The following DNAH5 variants were observed in gnomAD, a reference collection of about 807,000 sequenced individuals.
The protein encoded by DNAH5 is dynein axonemal heavy chain 5.
Under a neutral mutation model 518.2 loss-of-function variants are expected in DNAH5, and 372 were observed. The observed-to-expected ratio is 0.72, with a 90% confidence interval of 0.66 to 0.78. The LOEUF (loss-of-function observed/expected upper bound fraction) is 0.78, where lower values mean the gene tolerates loss of function less well. Ranked by LOEUF, DNAH5 falls within the 30% of genes least tolerant of loss-of-function variation. The probability of loss-of-function intolerance (pLI) is 0.00; values close to 1 mark genes in which losing one functional copy is unlikely to be tolerated. For missense variants in DNAH5, 5,523 were observed against 5,687.0 expected (o/e 0.97, Z 0.93); for synonymous variants, 2,039 against 2,025.9 (o/e 1.01, Z -0.17).
At position 13,871,850 on chromosome 5, in the gene DNAH5, G is replaced by T. The variant is rs1423235861; in HGVS notation, c.3397-85C>A. 21 of 1,192,626 alleles carry T rather than the reference G, an allele frequency of 1.8e-5. No individual in the cohort carries two copies. In the East Asian group the frequency reaches 4.4e-4, roughly 25 times the overall value. The allele number at this position is 1,192,626 out of a possible 1,614,324, so 73.9% of individuals were successfully genotyped here. A position where few individuals can be genotyped will look rare whatever the true frequency, so the allele number is the denominator to read the frequency against. ...AGTGAATATTTACCAACTGCTGGTGGTTCCTATGGATTTATTAAAATGTTT... is the reference window on the plus strand; with the variant it reads ...AGTGAATATTTACCAACTGCTGGTGTTTCCTATGGATTTATTAAAATGTTT... On this transcript the variant is annotated intron_variant, in intron 22 of 78. Coordinates refer to ENST00000265104, the MANE Select transcript of DNAH5 (RefSeq NM_001369.3).
chr5:13,804,500 A>G (rs1156630110), intron 47 of DNAH5, among the ~76,000 whole-genome samples: 1 of 152,238 alleles, frequency 6.6e-6, no homozygotes, highest in Non-Finnish European at 1.5e-5. Context: ...TTTAGCATGA[A>G]TGACTGAAAA....
At chr5:13,842,425 A>AGAAAG (rs760062438) in intron 32 of DNAH5, among the ~76,000 whole-genome samples, 13 of 38,148 alleles carry the variant, frequency 3.4e-4, no homozygotes, top group Non-Finnish European at 5.9e-4. Flanking sequence ...AAGAAAAGAA[A>AGAAAG]AGAAAGAAAG....
chr5:13,701,292 T>C lies in DNAH5; in HGVS notation c.13483A>G (p.Met4495Val), dbSNP rs775307173. 55 of 1,613,904 alleles carry C rather than the reference T, an allele frequency of 3.4e-5. No homozygotes were observed. Among genetic ancestry groups the C allele is most frequent in the Non-Finnish European group, 4.3e-5 (51 of 1,179,974 alleles). Reference sequence around the variant, plus strand: ...CAAATCAGAGCTCTTACCTGTCGCATTGCAGTTAAAAATCCCTGGGGGTTA... The same window carrying C: ...CAAATCAGAGCTCTTACCTGTCGCACTGCAGTTAAAAATCCCTGGGGGTTA... ...FFNPQGFLTA[M>V]RQEITRANKG... The change falls in exon 77 of 79, where the codon ATG (methionine) becomes GTG (valine). Residue 4495 changes from methionine (M) to valine (V), a missense_variant. Met to Val is a conservative substitution (Grantham distance 21). Around this residue, in one of 3 missense-constraint regions of DNAH5, gnomAD observed 387 missense variants for 430.0 expected, o/e 0.90. Transcript: ENST00000265104.
rs1393277452 is a variant in DNAH5, at chr5:13,944,277, A to G, written c.57+105T>C. On this transcript the variant is annotated intron_variant, in intron 1 of 78. Coordinates refer to ENST00000265104, the MANE Select transcript of DNAH5 (RefSeq NM_001369.3). ...TAAAAAATGTGTTTCTCGCAAATTC[A>G]TCAGTGTGTGACTTTGAACCTTTTT... 3.7e-6 allele frequency: 4 copies of G among 1,070,540 alleles called. No individual in the cohort carries two copies. In the East Asian group the frequency reaches 7.1e-5, roughly 19 times the overall value. The allele number at this position is 1,070,540 out of a possible 1,614,324, so 66.3% of individuals were successfully genotyped here. A position where few individuals can be genotyped will look rare whatever the true frequency, so the allele number is the denominator to read the frequency against.
chr5:13,933,789 C>CAAAAAAAAA (rs533169329), intron 1 of DNAH5, among the ~76,000 whole-genome samples: 1 of 82,394 alleles, frequency 1.2e-5, no homozygotes, highest in Non-Finnish European at 2.4e-5. Flanking sequence ...GACTCCACCT[C>CAAAAAAAAA]AAAAAAAAAA....
chr5:13,826,793 C>A (rs1762945208), intron 38 of DNAH5, among the ~76,000 whole-genome samples: 1 of 152,136 alleles, frequency 6.6e-6, no homozygotes, highest in African/African-American at 2.4e-5. Flanking sequence ...GTGGAAGCAA[C>A]TTTGGAACTG....
At chr5:13,787,541 T>C (rs1756252708) in intron 51 of DNAH5, among the ~76,000 whole-genome samples, 2 of 152,164 alleles carry the variant, frequency 1.3e-5, no homozygotes, top group Admixed American at 6.6e-5. Context: ...AATCAAGCTT[T>C]GAGAAATAGT....
intron 72 of DNAH5, among the ~76,000 whole-genome samples, chr5:13,718,442 A>C (rs1358692206): frequency 6.6e-6 from 1 of 152,198 alleles, no homozygotes; most frequent in East Asian, 1.9e-4. Flanking sequence ...TGATGGGGGC[A>C]TTTGGGCCTG....
intron 17 of DNAH5, 41 bp from the exon 18 acceptor site, chr5:13,886,170 T>TA: frequency 1.3e-6 from 2 of 1,539,946 alleles, no homozygotes; most frequent in Non-Finnish European, 1.8e-6. Context: ...CACAGTGGTA[T>TA]ATGGTTTATC....
At chr5:13,932,622 G>T (rs971982696) in intron 1 of DNAH5, among the ~76,000 whole-genome samples, 6 of 152,218 alleles carry the variant, frequency 3.9e-5, no homozygotes, top group African/African-American at 1.4e-4. Flanking sequence ...AATCCACGGA[G>T]AATCACTGAT....
At position 13,900,908 on chromosome 5, in the gene DNAH5, T is replaced by C. The variant is rs187256717; in HGVS notation, c.2052+344A>G. On this transcript the variant is annotated intron_variant, in intron 14 of 78. Coordinates refer to ENST00000265104, the MANE Select transcript of DNAH5 (RefSeq NM_001369.3). Reference sequence around the variant, plus strand: ...ACAAAAGAAAATTTGAAACTTTGTTTAACAGATGTGCTAGTGTTTACTGAC... The same window carrying C: ...ACAAAAGAAAATTTGAAACTTTGTTCAACAGATGTGCTAGTGTTTACTGAC... Among the ~76,000 whole-genome samples the C allele has an allele frequency of 1.1e-4, 16 of 152,348 alleles. No homozygotes were observed. The East Asian group carries it at 2.3e-3, about 22-fold the overall frequency.
At chr5:13,867,705 G>T in intron 25 of DNAH5, 69 bp downstream of exon 25, 1 of 1,224,740 alleles carries the variant, frequency 8.2e-7, no homozygotes, top group Non-Finnish European at 1.2e-6. Context: ...ATAATTTTTA[G>T]ACAACTACAT....
At chr5:13,804,041 C>G (rs992662197) in intron 47 of DNAH5, among the ~76,000 whole-genome samples, 1 of 145,664 alleles carries the variant, frequency 6.9e-6, no homozygotes, top group Non-Finnish European at 1.5e-5. Flanking sequence ...TTCTTTTCAC[C>G]TTCTTGTATT....
intron 31 of DNAH5, among the ~76,000 whole-genome samples, chr5:13,846,656 T>C (rs1766052266): frequency 6.6e-6 from 1 of 152,102 alleles, no homozygotes; most frequent in African/African-American, 2.4e-5. Context: ...AAGTAAGGAA[T>C]TTGGGAAAGA....
chr5:13,814,066 G>A (rs546817954), intron 43 of DNAH5, among the ~76,000 whole-genome samples: 4 of 152,000 alleles, frequency 2.6e-5, no homozygotes, highest in East Asian at 1.9e-4. Flanking sequence ...ATATATTCTA[G>A]GATATATTGC....
intron 1 of DNAH5, among the ~76,000 whole-genome samples, chr5:13,935,870 G>A (rs1778876096): frequency 6.6e-6 from 1 of 152,190 alleles, no homozygotes; most frequent in African/African-American, 2.4e-5. Flanking sequence ...AAGAAGGCAG[G>A]AGGTAAACTA....
chr5:13,995,527 T>C (rs1783877031), intron 1 of DNAH5, among the ~76,000 whole-genome samples: 1 of 151,964 alleles, frequency 6.6e-6, no homozygotes, highest in Admixed American at 6.6e-5. Flanking sequence ...AATTAGAAAA[T>C]TATGAACACA....
Position 13,766,436 on chromosome 5 carries a change from G to A in DNAH5, c.9898-257C>T, listed in dbSNP as rs146186022. Among the ~76,000 whole-genome samples, 135 of 152,326 alleles carry A rather than the reference G, an allele frequency of 8.9e-4. 1 individual carries two copies. The highest frequency in any genetic ancestry group is 6.0e-3 in the East Asian group (31 of 5,188). ...AAGGAGCTGTGACTTCTCTAAAAGT[G>A]CACAGATGGCTTTGTGCCAGAAAAA... On this transcript the variant is annotated intron_variant, in intron 58 of 78. Coordinates refer to ENST00000265104, the MANE Select transcript of DNAH5 (RefSeq NM_001369.3).
intron 60 of DNAH5, among the ~76,000 whole-genome samples, chr5:13,760,132 C>A (rs1054415510): frequency 1.3e-5 from 2 of 152,180 alleles, no homozygotes; most frequent in African/African-American, 4.8e-5. Context: ...CCGTGTCAAG[C>A]AACTTACAAC....
Sources: gnomAD v4.1 joint callset for allele counts (sites outside exome capture counted in the v4.1 genomes callset) on GRCh38, gnomAD v4.1.1 for gene constraint, gnomAD v4.1.1 regional missense constraint, MANE v1.5 for transcripts, NCBI Gene and HGNC (gene_info 2026-07-23, HGNC 2026-07-21) for gene names.